IL21R: variants seen among roughly 807,000 people sequenced by gnomAD.
IL21R encodes interleukin 21 receptor, also known as interleukin-21 receptor.
A neutral mutation model predicts 41.3 loss-of-function variants in IL21R; 14 were observed. The ratio of observed to expected loss-of-function variants is 0.34; its 90% CI spans 0.22 to 0.53. The LOEUF is 0.53. Ranked by LOEUF, IL21R falls within the 20% of genes least tolerant of loss-of-function variation. IL21R has a pLI of 0.94. For synonymous variants in IL21R, 286 were observed against 287.6 expected, an observed-to-expected ratio of 0.99 and a Z score of 0.05; for missense variants, 588 against 681.6, an observed-to-expected ratio of 0.86 and a Z score of 1.53.
chr16:27,450,031 T>G lies in IL21R; in HGVS notation c.*748T>G, dbSNP rs1451546047. On this transcript the variant is annotated 3_prime_UTR_variant, in exon 9 of 9. Transcript: ENST00000337929. ...AATTGGCGATGTCACCCGTGTACGG[T>G]ACGCAGCCCAGAGCAGACCCTCAAT... 1 of 232,604 alleles carries G rather than the reference T, an allele frequency of 4.3e-6. No individual in the cohort carries two copies. The highest frequency in any genetic ancestry group is 5.6e-5 in the Admixed American group (1 of 17,750). 14.4% of individuals were successfully genotyped at this position (232,604 alleles called of 1,614,324 possible).
At chr16:27,440,286 A>AGAGAGAG (rs1567370101) in intron 4 of IL21R, among the ~76,000 whole-genome samples, 10 of 105,464 alleles carry the variant, frequency 9.5e-5, no homozygotes, top group African/African-American at 3.9e-4. Flanking sequence ...GAGAGCGAGC[A>AGAGAGAG]AGCGCGCGCC....
chr16:27,429,270 TG>T (rs1165317926), intron 1 of IL21R, among the ~76,000 whole-genome samples: 1 of 151,882 alleles, frequency 6.6e-6, no homozygotes, highest in Non-Finnish European at 1.5e-5. Context: ...TTTTACAACA[TG>T]GATGTTTATA....
intron 1 of IL21R, among the ~76,000 whole-genome samples, chr16:27,408,399 T>C (rs908181789): frequency 6.6e-6 from 1 of 152,168 alleles, no homozygotes; most frequent in Non-Finnish European, 1.5e-5. Flanking sequence ...CCAGTATGAA[T>C]ACTGGGGGCT....
At chr16:27,419,837 ATTATTATTATT>A (rs1373103622) in intron 1 of IL21R, among the ~76,000 whole-genome samples, 1 of 150,398 alleles carries the variant, frequency 6.6e-6, no homozygotes, top group East Asian at 1.9e-4. Context: ...TATTATTATT[ATTATTATTATT>A]ATTATCAAGC....
intron 8 of IL21R, chr16:27,448,305 A>G (rs766237927): frequency 3.9e-6 from 2 of 517,412 alleles, no homozygotes; most frequent in East Asian, 3.2e-5. Flanking sequence ...AAATACAAAA[A>G]TTAGCCGGGT....
chr16:27,402,726 T>G (rs188853791), intron 1 of IL21R, 108 bp downstream of exon 1: 1 of 188,696 alleles, frequency 5.3e-6, no homozygotes, highest in East Asian at 1.4e-4. Flanking sequence ...CTCGGAGGAC[T>G]GTGCCCAAGT....
In IL21R at chr16:27,437,637, A is replaced by G; in HGVS notation, c.302A>G (p.Gln101Arg). The G allele has an allele frequency of 1.2e-6, 2 of 1,614,216 alleles. No homozygotes were observed. Among genetic ancestry groups the G allele is most frequent in the Non-Finnish European group, 1.7e-6 (2 of 1,180,034 alleles). The part of the protein sequence containing the change: ...DDIFSVNITD[Q>R]SGNYSQECGS... Reference sequence around the variant, plus strand: ...ATTTTCAGTGTCAACATCACAGACCAGTCTGGCAACTACTCCCAGGAGTGT... The same window carrying G: ...ATTTTCAGTGTCAACATCACAGACCGGTCTGGCAACTACTCCCAGGAGTGT... The change falls in exon 4 of 9, where the codon CAG becomes CGG. Residue 101 changes from glutamine (Q) to arginine (R), a missense_variant. By Grantham distance (43) the Gln-to-Arg change is conservative. Transcript: ENST00000337929.
At chr16:27,406,402 G>A (rs1035338331) in intron 1 of IL21R, among the ~76,000 whole-genome samples, 1 of 152,050 alleles carries the variant, frequency 6.6e-6, no homozygotes, top group African/African-American at 2.4e-5. Flanking sequence ...CGGGGGTGGG[G>A]AGTGGGGGGT....
At chr16:27,436,074 G>A (rs1459062626) in intron 3 of IL21R, among the ~76,000 whole-genome samples, 1 of 152,182 alleles carries the variant, frequency 6.6e-6, no homozygotes, top group Non-Finnish European at 1.5e-5. Flanking sequence ...GAAAAGTCAG[G>A]AGCCCGCAGG....
chr16:27,424,943 C>T (rs923494836), intron 1 of IL21R, among the ~76,000 whole-genome samples: 25 of 152,210 alleles, frequency 1.6e-4, no homozygotes, highest in Middle Eastern at 3.4e-3. Flanking sequence ...CATCACATAG[C>T]GACAGCTGGA....
chr16:27,429,174 A>G (rs2087125741), intron 1 of IL21R, among the ~76,000 whole-genome samples: 1 of 152,046 alleles, frequency 6.6e-6, no homozygotes, highest in Admixed American at 6.6e-5. Flanking sequence ...CAGTGAGCCA[A>G]GATCGGGCCA....
chr16:27,450,797 T>C lies in IL21R; in HGVS notation c.*1514T>C, dbSNP rs1452075516. 1.3e-5 allele frequency: 3 copies of C among 229,712 alleles called. No individual in the cohort carries two copies. The highest frequency in any genetic ancestry group is 1.7e-5 in the Non-Finnish European group (2 of 115,896). 14.2% of individuals were successfully genotyped at this position (229,712 alleles called of 1,614,324 possible). On this transcript the variant is annotated 3_prime_UTR_variant, in exon 9 of 9. Coordinates refer to ENST00000337929, the MANE Select transcript of IL21R (RefSeq NM_181078.3). ...GGGGCCACCCTGGCCCGGCCCCGTC[T>C]TCCTCCCCAAAGGTCAGACTGCAGG...
intron 6 of IL21R, 83 bp from the exon 7 acceptor site, chr16:27,445,094 C>T (rs569436567): frequency 1.1e-6 from 1 of 942,110 alleles, no homozygotes; most frequent in Non-Finnish European, 1.7e-6. Context: ...CACTCTACCC[C>T]AGACCCATTT....
At chr16:27,446,750 A>G (rs1193272107) in intron 8 of IL21R, among the ~76,000 whole-genome samples, 1 of 152,082 alleles carries the variant, frequency 6.6e-6, no homozygotes, top group East Asian at 1.9e-4. Context: ...TGGAGAGGGA[A>G]TAGGTTCTGG....
At chr16:27,437,741 A>T in intron 4 of IL21R, 54 bp downstream of exon 4, 1 of 1,446,726 alleles carries the variant, frequency 6.9e-7, no homozygotes, top group East Asian at 2.3e-5. Context: ...AGCTCACCGC[A>T]GCCCTGACCT....
At position 27,426,324 on chromosome 16, in the gene IL21R, A is replaced by G. The variant is rs563190281; in HGVS notation, c.-16-3732A>G. On this transcript the variant is annotated intron_variant, in intron 1 of 8. Coordinates refer to ENST00000337929, the MANE Select transcript of IL21R (RefSeq NM_181078.3). ...GGTCATGATATAATATTTTTGAGACATGTTTATTGGAGTAAAAAATAGGAG... is the reference window on the plus strand; with the variant it reads ...GGTCATGATATAATATTTTTGAGACGTGTTTATTGGAGTAAAAAATAGGAG... Among the ~76,000 whole-genome samples the G allele has an allele frequency of 2.2e-4, 34 of 152,360 alleles. 1 individual carries two copies. In the South Asian group the frequency reaches 5.8e-3, roughly 26 times the overall value.
At position 27,444,224 on chromosome 16, in the gene IL21R, G is replaced by T. The variant is rs995629285; in HGVS notation, c.508-318G>T. Among the ~76,000 whole-genome samples, 35 of 151,990 alleles carry T rather than the reference G, an allele frequency of 2.3e-4. No individual in the cohort carries two copies. The Middle Eastern group carries it at 0.01, about 44-fold the overall frequency. On this transcript the variant is annotated intron_variant, in intron 5 of 8. Transcript: ENST00000337929. Reference sequence around the variant, plus strand: ...GAATTCCAAAAGTATGCATTGCCTGGAATGCTGCCAGACCATTACCACTCC... The same window carrying T: ...GAATTCCAAAAGTATGCATTGCCTGTAATGCTGCCAGACCATTACCACTCC...
chr16:27,443,245 G>A, intron 5 of IL21R, 129 bp downstream of exon 5: 1 of 751,670 alleles, frequency 1.3e-6, no homozygotes, highest in Non-Finnish European at 2.0e-6. Flanking sequence ...AAGGGCACGA[G>A]CACTCCCTTA....
rs765899997 is a variant in IL21R, at chr16:27,430,060, G to T, written c.-12G>T. 5.6e-6 allele frequency: 9 copies of T among 1,606,390 alleles called. No individual in the cohort carries two copies. Among genetic ancestry groups the T allele is most frequent in the Non-Finnish European group, 7.6e-6 (9 of 1,179,790 alleles). On this transcript the variant is annotated 5_prime_UTR_variant, in exon 2 of 9. Transcript: ENST00000337929. ...TCCACTGTACGTCTCTTGCAGGCCCGTGGGAGTCAGCATGCCGCGTGGCTG... is the reference window on the plus strand; with the variant it reads ...TCCACTGTACGTCTCTTGCAGGCCCTTGGGAGTCAGCATGCCGCGTGGCTG...
Sources: allele counts gnomAD v4.1 joint callset (sites outside exome capture counted in the v4.1 genomes callset), GRCh38; gene constraint gnomAD v4.1.1; transcripts MANE v1.5; gene names NCBI Gene and HGNC (gene_info 2026-07-23, HGNC 2026-07-21).